The following CD200R1 variants were observed in gnomAD, a reference collection of about 807,000 sequenced individuals.
CD200R1 encodes CD200 receptor 1.
A neutral mutation model predicts 38.1 loss-of-function variants in CD200R1; 30 were observed. The observed-to-expected ratio is 0.79, with a 90% confidence interval of 0.59 to 1.07. The LOEUF (loss-of-function observed/expected upper bound fraction) is 1.07, where lower values mean the gene tolerates loss of function less well. Ranked by LOEUF, CD200R1 falls within the 50% of genes least tolerant of loss-of-function variation. The probability of loss-of-function intolerance (pLI) is 0.00; values close to 1 mark genes in which losing one functional copy is unlikely to be tolerated. For synonymous variants in CD200R1, 128 were observed against 152.1 expected (o/e 0.84, Z 1.16); for missense variants, 372 against 415.4 (o/e 0.90, Z 0.91).
At chr3:112,964,358 T>C (rs1414825976) in intron 1 of CD200R1, among the ~76,000 whole-genome samples, 2 of 152,160 alleles carry the variant, frequency 1.3e-5, no homozygotes. Context: ...TGCCAGCTCA[T>C]GAAAGCAGCC....
Position 112,921,285 on chromosome 3 carries a change from A to C in CD200R1, c.*2392T>G, listed in dbSNP as rs1940167763. 6.6e-6 allele frequency: 1 copy of C among 152,084 alleles called. No homozygotes were observed. The highest frequency in any genetic ancestry group is 1.5e-5 in the Non-Finnish European group (1 of 67,996). 9.4% of individuals were successfully genotyped at this position (152,084 alleles called of 1,614,324 possible). A position where few individuals can be genotyped will look rare whatever the true frequency, so the allele number is the denominator to read the frequency against. Reference sequence around the variant, plus strand: ...TGTAAAACTATGTCAACATTTACCAAAGTCCACATTTTAAATATGTGCAAA... The same window carrying C: ...TGTAAAACTATGTCAACATTTACCACAGTCCACATTTTAAATATGTGCAAA... On this transcript the variant is annotated 3_prime_UTR_variant, in exon 8 of 8. Coordinates refer to ENST00000308611, the MANE Select transcript of CD200R1 (RefSeq NM_138806.4).
rs147969199 is a variant in CD200R1, at chr3:112,947,949, G to A, written c.68-25C>T. On this transcript the variant is annotated intron_variant, in intron 1 of 7. Coordinates refer to ENST00000308611, the MANE Select transcript of CD200R1 (RefSeq NM_138806.4). ...TCTGAATTTTGAAAAAGACATAGGG[G>A]GTAGAGAGAGAAATATGCATTAATA... The A allele has an allele frequency of 1.4e-4, 200 of 1,477,738 alleles. No individual in the cohort carries two copies. In the African/African-American group the frequency reaches 2.4e-3, roughly 18 times the overall value. 91.5% of individuals were successfully genotyped at this position (1,477,738 alleles called of 1,614,324 possible).
At chr3:112,933,000 G>C (rs1036454722) in intron 2 of CD200R1, among the ~76,000 whole-genome samples, 4 of 152,124 alleles carry the variant, frequency 2.6e-5, no homozygotes, top group African/African-American at 7.2e-5. Context: ...GGCCCCTACT[G>C]TGAACAACCC....
At chr3:112,968,188 G>A (rs901837709) in intron 1 of CD200R1, among the ~76,000 whole-genome samples, 12 of 152,184 alleles carry the variant, frequency 7.9e-5, no homozygotes, top group Admixed American at 7.9e-4. Context: ...GAAATTATGG[G>A]AAAGAAGAAC....
At chr3:112,957,641 G>A (rs1941131744) in intron 1 of CD200R1, among the ~76,000 whole-genome samples, 1 of 151,986 alleles carries the variant, frequency 6.6e-6, no homozygotes, top group African/African-American at 2.4e-5. Context: ...TGATAAATTG[G>A]ACATTAACAA....
chr3:112,955,342 C>G (rs1207474306), intron 1 of CD200R1, among the ~76,000 whole-genome samples: 2 of 152,050 alleles, frequency 1.3e-5, no homozygotes, highest in African/African-American at 4.8e-5. Flanking sequence ...CTAAAGTCCC[C>G]TAATGTTATT....
At chr3:112,926,512 A>G (rs1292375989) in intron 5 of CD200R1, among the ~76,000 whole-genome samples, 1 of 152,212 alleles carries the variant, frequency 6.6e-6, no homozygotes, top group Non-Finnish European at 1.5e-5. Context: ...GAAGACATCA[A>G]GGAGATCCCT....
intron 2 of CD200R1, among the ~76,000 whole-genome samples, chr3:112,946,601 T>G (rs1348791452): frequency 6.6e-6 from 1 of 152,134 alleles, no homozygotes; most frequent in African/African-American, 2.4e-5. Context: ...TCATATGTCA[T>G]CAAAGAAAGG....
chr3:112,945,365 AAG>A (rs1377098221), intron 2 of CD200R1, among the ~76,000 whole-genome samples: 4 of 152,226 alleles, frequency 2.6e-5, no homozygotes, highest in Non-Finnish European at 5.9e-5. Flanking sequence ...TTAGCAAAAG[AAG>A]AGCTAAATAA....
At chr3:112,925,342 C>A in intron 5 of CD200R1, 149 bp from the exon 6 acceptor site, 2 of 559,996 alleles carry the variant, frequency 3.6e-6, no homozygotes, top group Non-Finnish European at 6.4e-6. Context: ...ACATGCCAAT[C>A]TGGAAATGTT....
At chr3:112,943,214 A>G (rs1940766989) in intron 2 of CD200R1, among the ~76,000 whole-genome samples, 2 of 151,798 alleles carry the variant, frequency 1.3e-5, no homozygotes, top group Admixed American at 6.6e-5. Context: ...GTACCAAAAT[A>G]GACCACATTC....
chr3:112,949,649 G>C (rs1466299878), intron 1 of CD200R1, among the ~76,000 whole-genome samples: 1 of 152,178 alleles, frequency 6.6e-6, no homozygotes, highest in East Asian at 1.9e-4. Context: ...GAAATCAATG[G>C]TTAGAGCCTA....
chr3:112,929,805 AAAC>A (rs1368527032), intron 3 of CD200R1, among the ~76,000 whole-genome samples: 2 of 152,138 alleles, frequency 1.3e-5, no homozygotes, highest in African/African-American at 2.4e-5. Context: ...ATTGTAAATT[AAAC>A]AACAAAGGCA....
intron 2 of CD200R1, among the ~76,000 whole-genome samples, chr3:112,934,946 A>G (rs929767261): frequency 1.3e-5 from 2 of 152,186 alleles, no homozygotes; most frequent in African/African-American, 4.8e-5. Context: ...AAGCAGGAGT[A>G]GCTATACTTA....
intron 1 of CD200R1, among the ~76,000 whole-genome samples, chr3:112,958,689 AAC>A (rs1357335958): frequency 6.6e-6 from 1 of 152,194 alleles, no homozygotes; most frequent in African/African-American, 2.4e-5. Flanking sequence ...ATTGGGTTTT[AAC>A]ACACATAACA....
chr3:112,962,250 G>C (rs963305115), intron 1 of CD200R1, among the ~76,000 whole-genome samples: 1 of 152,228 alleles, frequency 6.6e-6, no homozygotes, highest in Non-Finnish European at 1.5e-5. Flanking sequence ...AGACAAACAT[G>C]TTCCCTAACC....
At chr3:112,951,504 TATCAA>T (rs1251268393) in intron 1 of CD200R1, among the ~76,000 whole-genome samples, 2 of 151,816 alleles carry the variant, frequency 1.3e-5, no homozygotes, top group African/African-American at 4.8e-5. Context: ...ATTAACCATA[TATCAA>T]AACTATACAA....
chr3:112,929,296 C>T lies in CD200R1; in HGVS notation c.414G>A (p.Ser138=), dbSNP rs766678069. 10 of 1,614,086 alleles carry T rather than the reference C, an allele frequency of 6.2e-6. 1 individual carries two copies. The Middle Eastern group carries it at 9.9e-4, about 160-fold the overall frequency. The change falls in exon 4 of 8, where the codon TCG becomes TCA. Residue 138 remains serine (S), a synonymous_variant. Transcript: ENST00000308611. ...TGGCCACGGTACGAATCTGAAGGTCCGAATTCTGATCAGGTCTGGAGACCC... is the reference window on the plus strand; with the variant it reads ...TGGCCACGGTACGAATCTGAAGGTCTGAATTCTGATCAGGTCTGGAGACCC... The part of the protein sequence containing the change: ...ITWVSRPDQN[S]DLQIRTVAIT...
At chr3:112,949,285 CTATAG>C (rs1427055854) in intron 1 of CD200R1, among the ~76,000 whole-genome samples, 1 of 152,218 alleles carries the variant, frequency 6.6e-6, no homozygotes, top group Non-Finnish European at 1.5e-5. Context: ...CGTAGCTTAT[CTATAG>C]TGAGTGTATC....
Sources: gnomAD v4.1 joint callset for allele counts (sites outside exome capture counted in the v4.1 genomes callset) on GRCh38, gnomAD v4.1.1 for gene constraint, MANE v1.5 for transcripts, NCBI Gene and HGNC (gene_info 2026-07-23, HGNC 2026-07-21) for gene names.